The following DDB1 variants were observed in gnomAD, a reference collection of about 807,000 sequenced individuals.
The protein encoded by DDB1 is damage specific DNA binding protein 1.
In DDB1, 18 loss-of-function variants were observed where a neutral mutation model predicts 133.1. The observed-to-expected ratio is 0.14, with a 90% CI of 0.09 to 0.20. The LOEUF (loss-of-function observed/expected upper bound fraction) is 0.20, where lower values mean the gene tolerates loss of function less well. Ranked by LOEUF, DDB1 falls within the 10% of genes least tolerant of loss-of-function variation. DDB1 has a pLI of 1.00. For missense variants in DDB1, 828 were observed against 1,459.2 expected (o/e 0.57, Z 7.05); for synonymous variants, 580 against 550.5 (o/e 1.05, Z -0.75).
At chr11:61,309,762 C>T in intron 20 of DDB1, 34 bp downstream of exon 20, 4 of 1,597,426 alleles carry the variant, frequency 2.5e-6, no homozygotes, top group Non-Finnish European at 3.4e-6. Flanking sequence ...CAGCATTTCA[C>T]ATCCCTCAGA....
At chr11:61,302,456 G>A (rs1313894631) in intron 24 of DDB1, 97 bp from the exon 25 acceptor site, 1 of 1,560,156 alleles carries the variant, frequency 6.4e-7, no homozygotes, top group Non-Finnish European at 8.8e-7. Flanking sequence ...CTCAGGGAGG[G>A]CTAATGTGCT....
chr11:61,316,986 T>C (rs866965264), intron 10 of DDB1, among the ~76,000 whole-genome samples: 9 of 74,878 alleles, frequency 1.2e-4, no homozygotes, highest in African/African-American at 2.2e-4. Context: ...TATATATATA[T>C]ATATATATAT....
chr11:61,306,131 A>G (rs1488750483), intron 21 of DDB1, among the ~76,000 whole-genome samples: 2 of 150,016 alleles, frequency 1.3e-5, no homozygotes, highest in Non-Finnish European at 3.0e-5. Context: ...CCTGACCTCA[A>G]ATGCCACCCT....
rs774031684 is a variant in DDB1, at chr11:61,323,173, C to T, written c.922-79G>A. 1.4e-5 allele frequency: 17 copies of T among 1,180,378 alleles called. No individual in the cohort carries two copies. In the South Asian group the frequency reaches 2.2e-4, roughly 15 times the overall value. 73.1% of individuals were successfully genotyped at this position (1,180,378 alleles called of 1,614,324 possible). A position where few individuals can be genotyped will look rare whatever the true frequency, so the allele number is the denominator to read the frequency against. On this transcript the variant is annotated intron_variant, in intron 7 of 26. Transcript: ENST00000301764. ...CAGATACTACCCACATCTCAGACAT[C>T]TGCTGAGAAAACTCCCAACTGCAGC...
chr11:61,302,770 G>C lies in DDB1; in HGVS notation c.2943-19C>G, dbSNP rs367654716. On this transcript the variant is annotated intron_variant, in intron 23 of 26. Coordinates refer to ENST00000301764, the MANE Select transcript of DDB1 (RefSeq NM_001923.5). ...GGCAGCGCTGAAAGGCGGTAAGAAA[G>C]TCACTTTCTGAACCTCCTGTTTCCA... 5.0e-6 allele frequency: 8 copies of C among 1,613,770 alleles called. No individual in the cohort carries two copies. In the African/African-American group the frequency reaches 8.0e-5, roughly 16 times the overall value.
intron 1 of DDB1, 165 bp from the exon 2 acceptor site, chr11:61,331,856 AAG>A: frequency 1.1e-6 from 1 of 882,824 alleles, no homozygotes; most frequent in Non-Finnish European, 1.7e-6. Flanking sequence ...CGGCACCTCA[AAG>A]AGTCTCAGTT....
chr11:61,311,863 A>C lies in DDB1; in HGVS notation c.2198T>G (p.Phe733Cys). ...TTCAATGCGGCTGGAGAGGACCCCG[A>C]AACACTGGGACACTTCCTGGTAGCA... Reference protein sequence around the residue: ...KICYQEVSQCFGVLSSRIEVQ... With the variant: ...KICYQEVSQCCGVLSSRIEVQ... The change falls in exon 18 of 27, where the codon TTC (phenylalanine) becomes TGC (cysteine). Residue 733 changes from phenylalanine (F) to cysteine (C), a missense_variant. Coordinates refer to ENST00000301764, the MANE Select transcript of DDB1 (RefSeq NM_001923.5). 1 of 1,614,172 alleles carries C rather than the reference A, an allele frequency of 6.2e-7. No homozygotes were observed. The highest frequency in any genetic ancestry group is 8.5e-7 in the Non-Finnish European group (1 of 1,180,024).
Position 61,313,693 on chromosome 11 carries a change from G to A in DDB1, c.1875C>T (p.Asp625=). ...GGGTGCCCAAAGTCACCTTCTTACG[G>A]TCGCTCAACAGACCTACAGAGAGAA... ...GLNIETGLLS[D]RKKVTLGTQP... The change falls in exon 16 of 27, where the codon GAC becomes GAT. Residue 625 remains aspartate, a synonymous_variant. Coordinates refer to ENST00000301764, the MANE Select transcript of DDB1 (RefSeq NM_001923.5). The A allele has an allele frequency of 6.2e-7, 1 of 1,611,360 alleles. No homozygotes were observed. The highest frequency in any genetic ancestry group is 8.5e-7 in the Non-Finnish European group (1 of 1,178,594).
At chr11:61,305,025 AGAAGACAGACT>A (rs1855863117) in intron 21 of DDB1, among the ~76,000 whole-genome samples, 1 of 152,240 alleles carries the variant, frequency 6.6e-6, no homozygotes, top group African/African-American at 2.4e-5. Flanking sequence ...CCAGTGCTAA[AGAAGACAGACT>A]CAACCCATCT....
chr11:61,307,875 A>G (rs1028145450), intron 21 of DDB1, among the ~76,000 whole-genome samples: 3 of 151,892 alleles, frequency 2.0e-5, no homozygotes, highest in Non-Finnish European at 1.5e-5. Context: ...AAGTCCTTCA[A>G]TCCTACCCTC....
intron 22 of DDB1, 111 bp downstream of exon 22, chr11:61,303,754 G>A (rs1420809124): frequency 3.4e-6 from 4 of 1,177,696 alleles, no homozygotes; most frequent in Middle Eastern, 2.9e-4. Flanking sequence ...CTGCTCCGGG[G>A]AAAACATTTC....
chr11:61,311,961 C>G, intron 17 of DDB1, 28 bp downstream of exon 17: 2 of 1,614,080 alleles, frequency 1.2e-6, no homozygotes, highest in Non-Finnish European at 1.7e-6. Flanking sequence ...CCAACCCCCA[C>G]TTCCCACTCT....
At chr11:61,318,759 T>C (rs151163986) in intron 10 of DDB1, among the ~76,000 whole-genome samples, 1 of 152,366 alleles carries the variant, frequency 6.6e-6, no homozygotes, top group East Asian at 1.9e-4. Context: ...CTTCTGTACT[T>C]TGAGTCATAG....
In DDB1 at chr11:61,309,978, GACT is replaced by G; in HGVS notation, c.2402-21_2402-19del. The G allele has an allele frequency of 6.2e-7, 1 of 1,614,168 alleles. No homozygotes were observed. The highest frequency in any genetic ancestry group is 8.5e-7 in the Non-Finnish European group (1 of 1,180,028). The stretch of plus-strand genomic sequence containing the variant: ...ATGAAGCACTAGAGAGTAGAGAGAT[GACT>G]ACGTGATGACAGGTTACCCATATCT... On this transcript the variant is annotated intron_variant, in intron 19 of 26. Coordinates refer to ENST00000301764, the MANE Select transcript of DDB1 (RefSeq NM_001923.5).
intron 21 of DDB1, among the ~76,000 whole-genome samples, 200 bp from the exon 22 acceptor site, chr11:61,304,235 C>T (rs1237308617): frequency 1.3e-5 from 2 of 152,040 alleles, no homozygotes; most frequent in Non-Finnish European, 2.9e-5. Flanking sequence ...AATGAACACA[C>T]CAAACCAGGA....
chr11:61,326,159 C>CATA (rs1306465327), intron 5 of DDB1: 1 of 253,438 alleles, frequency 3.9e-6, no homozygotes, highest in Non-Finnish European at 7.7e-6. Flanking sequence ...GTGAGACAAA[C>CATA]ATAATGTAGG....
chr11:61,330,420 T>C (rs776957477), intron 2 of DDB1, among the ~76,000 whole-genome samples: 9 of 44,848 alleles, frequency 2.0e-4, no homozygotes, highest in African/African-American at 4.0e-4. Context: ...CCCCAAGTAT[T>C]TGAAGAAAGA....
In DDB1 at chr11:61,316,980, T is replaced by C. The variant is rs1289743157; in HGVS notation, c.1226-413A>G. Among the ~76,000 whole-genome samples the C allele has an allele frequency of 5.0e-4, 34 of 68,376 alleles. 4 individuals carry two copies. Among genetic ancestry groups the C allele is most frequent in the African/African-American group, 1.3e-3 (33 of 24,840 alleles). 44.9% of individuals were successfully genotyped at this position (68,376 alleles called of 152,430 possible). On this transcript the variant is annotated intron_variant, in intron 10 of 26. Coordinates refer to ENST00000301764, the MANE Select transcript of DDB1 (RefSeq NM_001923.5). ...ATATATATATATATATATATATATA[T>C]ATATATATATATATATATAGACATG... is the stretch of plus-strand genomic sequence containing the variant.
intron 16 of DDB1, among the ~76,000 whole-genome samples, chr11:61,313,076 G>C (rs991421272): frequency 6.6e-6 from 1 of 152,310 alleles, no homozygotes; most frequent in East Asian, 1.9e-4. Flanking sequence ...GCCTCCCAAA[G>C]TGCCGGGACT....
Sources: allele counts gnomAD v4.1 joint callset (sites outside exome capture counted in the v4.1 genomes callset), GRCh38; gene constraint gnomAD v4.1.1; transcripts MANE v1.5; gene names NCBI Gene and HGNC (gene_info 2026-07-23, HGNC 2026-07-21).